Variants in PRXL2A observed in about 807,000 individuals in gnomAD.
The protein encoded by PRXL2A is peroxiredoxin-like 2A.
PRXL2A carries 26 observed loss-of-function variants against 25.6 expected under a neutral mutation model. The observed-to-expected ratio is 1.02, with a 90% CI of 0.74 to 1.41. PRXL2A has a LOEUF of 1.41. PRXL2A is among the 40% of genes most tolerant of loss of function. The pLI, the probability that PRXL2A is intolerant of heterozygous loss-of-function variation, is 0.00. For missense variants in PRXL2A, 246 were observed against 273.9 expected, an observed-to-expected ratio of 0.90 and a Z score of 0.72; for synonymous variants, 98 against 102.9, an observed-to-expected ratio of 0.95 and a Z score of 0.29.
intron 5 of PRXL2A, among the ~76,000 whole-genome samples, chr10:80,429,030 T>G (rs1365120944): frequency 6.6e-6 from 1 of 151,946 alleles, no homozygotes; most frequent in Non-Finnish European, 1.5e-5. Context: ...GCCTCCTGAG[T>G]AGCTGAGACT....
intron 3 of PRXL2A, among the ~76,000 whole-genome samples, chr10:80,423,180 A>G (rs548246976): frequency 2.6e-5 from 4 of 152,184 alleles, no homozygotes; most frequent in Admixed American, 6.5e-5. Flanking sequence ...GACATCATCT[A>G]TTTGTAGGTG....
In PRXL2A at chr10:80,425,925, T is replaced by C. The variant is rs1444929465; in HGVS notation, c.330T>C (p.Tyr110=). ...SMLDQLGVPL[Y]AVVKEHIRTE... ...TGGACCAGCTGGGCGTCCCCCTCTA[T>C]GCAGTGGTAAAGGAGCACATCAGGA... Residue 110 remains tyrosine, a synonymous_variant, in exon 4 of 6, where the codon TAT becomes TAC. Coordinates refer to ENST00000606162, the MANE Select transcript of PRXL2A (RefSeq NM_032333.5). The C allele has an allele frequency of 2.5e-6, 4 of 1,614,104 alleles. No homozygotes were observed. The highest frequency in any genetic ancestry group is 1.7e-5 in the Admixed American group (1 of 60,012).
In PRXL2A at chr10:80,420,738, G is replaced by T. The variant is rs900683965; in HGVS notation, c.178+93G>T. 17 of 994,422 alleles carry T rather than the reference G, an allele frequency of 1.7e-5. No individual in the cohort carries two copies. The African/African-American group carries it at 2.0e-4, about 12-fold the overall frequency. The allele number at this position is 994,422 out of a possible 1,614,324, so 61.6% of individuals were successfully genotyped here. On this transcript the variant is annotated intron_variant, in intron 2 of 5. Coordinates refer to ENST00000606162, the MANE Select transcript of PRXL2A (RefSeq NM_032333.5). ...TCTAAACTCTCTCCTTTTTTTAATT[G>T]AAAAGATAATATAACAACATTAGGA...
At position 80,419,921 on chromosome 10, in the gene PRXL2A, T is replaced by C. The variant is rs920703158; in HGVS notation, c.-2-545T>C. On this transcript the variant is annotated intron_variant, in intron 1 of 5. Transcript: ENST00000606162. ...GGCTGGGGGCTTGATGAGTAGGATA[T>C]GGTCCCTGTTTTTGGAGGGTCGTCA... 3.4e-5 allele frequency: 33 copies of C among 958,692 alleles called. No homozygotes were observed. The African/African-American group carries it at 5.8e-4, about 17-fold the overall frequency. The allele number at this position is 958,692 out of a possible 1,614,324, so 59.4% of individuals were successfully genotyped here.
At position 80,434,538 on chromosome 10, in the gene PRXL2A, A is replaced by G. The variant is rs926102068; in HGVS notation, c.*2439A>G. On this transcript the variant is annotated 3_prime_UTR_variant, in exon 6 of 6. Transcript: ENST00000606162. ...AGGCAATAATGACAGATTTTACTCA[A>G]TAACTACTGCAGAAGGAGAGAGTCC... The G allele has an allele frequency of 1.1e-4, 16 of 152,260 alleles. No homozygotes were observed. The highest frequency in any genetic ancestry group is 3.9e-4 in the African/African-American group (16 of 41,462). 9.4% of individuals were successfully genotyped at this position (152,260 alleles called of 1,614,324 possible). A position where few individuals can be genotyped will look rare whatever the true frequency, so the allele number is the denominator to read the frequency against.
At chr10:80,425,785 C>T in intron 3 of PRXL2A, 81 bp from the exon 4 acceptor site, 2 of 1,557,538 alleles carry the variant, frequency 1.3e-6, no homozygotes. Flanking sequence ...GGAGCCTGGG[C>T]TGCAGAGGGA....
In PRXL2A at chr10:80,427,380, A is replaced by C. The variant is rs938365722; in HGVS notation, c.460A>C (p.Ile154Leu). The C allele has an allele frequency of 6.2e-7, 1 of 1,614,112 alleles. No individual in the cohort carries two copies. Among genetic ancestry groups the C allele is most frequent in the Non-Finnish European group, 8.5e-7 (1 of 1,180,000 alleles). The change falls in exon 5 of 6, where the codon ATC (isoleucine) becomes CTC (leucine). Residue 154 changes from isoleucine to leucine, a missense_variant. Physicochemically the swap from Ile to Leu is conservative, Grantham distance 5. Transcript: ENST00000606162. Reference protein sequence around the residue: ...QRRKMMFMGFIRLGVWYNFFR... With the variant: ...QRRKMMFMGFLRLGVWYNFFR... ...GCGGAAGATGATGTTTATGGGATTTATCCGTCTGGGAGTGTGGTACAACTT... is the reference window on the plus strand; with the variant it reads ...GCGGAAGATGATGTTTATGGGATTTCTCCGTCTGGGAGTGTGGTACAACTT...
chr10:80,413,867 G>A lies in PRXL2A; in HGVS notation c.-3+5224G>A, dbSNP rs544758188. On this transcript the variant is annotated intron_variant, in intron 1 of 5. Transcript: ENST00000606162. Reference sequence around the variant, plus strand: ...TGTCAAGAGAAGCAGAGGTGTGGACGCTGTGTATGGTGAGTGCCTTGTTCC... The same window carrying A: ...TGTCAAGAGAAGCAGAGGTGTGGACACTGTGTATGGTGAGTGCCTTGTTCC... 1.7e-3 allele frequency: 2,093 copies of A among 1,236,528 alleles called. 1 individual carries two copies. Among genetic ancestry groups the A allele is most frequent in the Non-Finnish European group, 2.1e-3 (2,009 of 961,512 alleles). 76.6% of individuals were successfully genotyped at this position (1,236,528 alleles called of 1,614,324 possible).
intron 1 of PRXL2A, among the ~76,000 whole-genome samples, chr10:80,412,136 C>T (rs1844498240): frequency 6.6e-6 from 1 of 152,086 alleles, no homozygotes; most frequent in South Asian, 2.1e-4. Flanking sequence ...TCACATGGTA[C>T]TTTAGAGTCT....
intron 1 of PRXL2A, among the ~76,000 whole-genome samples, chr10:80,417,715 G>A (rs1471851657): frequency 2.7e-5 from 4 of 147,410 alleles, no homozygotes; most frequent in Non-Finnish European, 6.0e-5. Context: ...GGTTACCCCC[G>A]TTACCTGGAA....
At chr10:80,415,389 G>A (rs1288979630) in intron 1 of PRXL2A, among the ~76,000 whole-genome samples, 1 of 152,224 alleles carries the variant, frequency 6.6e-6, no homozygotes, top group African/African-American at 2.4e-5. Flanking sequence ...GAACATAGAG[G>A]TTTGAGTTCT....
intron 1 of PRXL2A, among the ~76,000 whole-genome samples, chr10:80,417,694 G>GT (rs1349492503): frequency 2.0e-5 from 3 of 148,558 alleles, no homozygotes; most frequent in African/African-American, 2.5e-5. Context: ...CTTAGATGTT[G>GT]TTTTTTGTTT....
rs184389689 is a variant in PRXL2A, at chr10:80,420,667, C to T, written c.178+22C>T. On this transcript the variant is annotated intron_variant, in intron 2 of 5. Transcript: ENST00000606162. ...AAGGGTAAGTGGTGACCCTTCAGGT[C>T]TCAGTACTTTTCCAAGGAGCTGGGA... The T allele has an allele frequency of 2.0e-4, 302 of 1,527,598 alleles. No homozygotes were observed. In the African/African-American group the frequency reaches 3.7e-3, roughly 19 times the overall value. 94.6% of individuals were successfully genotyped at this position (1,527,598 alleles called of 1,614,324 possible).
In PRXL2A at chr10:80,437,046, TGGGGTCTTCATTCTGA is replaced by T. The variant is rs975409079; in HGVS notation, c.*4951_*4966del. 1 of 152,254 alleles carries T rather than the reference TGGGGTCTTCATTCTGA, an allele frequency of 6.6e-6. No homozygotes were observed. Among genetic ancestry groups the T allele is most frequent in the Non-Finnish European group, 1.5e-5 (1 of 68,040 alleles). 9.4% of individuals were successfully genotyped at this position (152,254 alleles called of 1,614,324 possible). ...AAAAATGGACAATTCCCCTGTATCT[TGGGGTCTTCATTCTGA>T]GGGCTCACATACAATTATGATCAAA... On this transcript the variant is annotated 3_prime_UTR_variant, in exon 6 of 6. Coordinates refer to ENST00000606162, the MANE Select transcript of PRXL2A (RefSeq NM_032333.5).
In PRXL2A at chr10:80,419,984, C is replaced by T. The variant is rs1057082026; in HGVS notation, c.-2-482C>T. ...AAGAAGATAGGGGAACAAAACAGTG[C>T]GGTTGGTGTTCTAAGTATCCTCTGA... is the stretch of plus-strand genomic sequence containing the variant. On this transcript the variant is annotated intron_variant, in intron 1 of 5. Coordinates refer to ENST00000606162, the MANE Select transcript of PRXL2A (RefSeq NM_032333.5). 1.1e-5 allele frequency: 11 copies of T among 985,264 alleles called. No homozygotes were observed. In the Admixed American group the frequency reaches 1.8e-4, roughly 17 times the overall value. The allele number at this position is 985,264 out of a possible 1,614,324, so 61.0% of individuals were successfully genotyped here.
chr10:80,420,146 A>G (rs1015837224), intron 1 of PRXL2A: 2 of 1,014,582 alleles, frequency 2.0e-6, no homozygotes, highest in African/African-American at 1.7e-5. Flanking sequence ...ACAGCTCCAC[A>G]GAGCTAGGGG....
At chr10:80,419,713 G>C (rs1450032705) in intron 1 of PRXL2A, among the ~76,000 whole-genome samples, 1 of 152,188 alleles carries the variant, frequency 6.6e-6, no homozygotes, top group African/African-American at 2.4e-5. Context: ...GTGTTTAACA[G>C]TGGCCATCAG....
intron 5 of PRXL2A, among the ~76,000 whole-genome samples, chr10:80,428,217 A>G (rs570900343): frequency 2.0e-5 from 3 of 152,186 alleles, no homozygotes; most frequent in Admixed American, 6.5e-5. Flanking sequence ...GAAGGTGTGG[A>G]AAGGAGGAAT....
intron 5 of PRXL2A, among the ~76,000 whole-genome samples, chr10:80,429,588 T>TCCTGCCCTGC (rs139041867): frequency 3.5e-4 from 27 of 77,332 alleles, no homozygotes; most frequent in East Asian, 1.5e-3. Flanking sequence ...CCCTAGCCTC[T>TCCTGCCCTGC]CCTGCCCTGC....
Sources: allele counts gnomAD v4.1 joint callset (sites outside exome capture counted in the v4.1 genomes callset), GRCh38; gene constraint gnomAD v4.1.1; transcripts MANE v1.5; gene names NCBI Gene and HGNC (gene_info 2026-07-23, HGNC 2026-07-21).